The following ARMH1 variants were observed in gnomAD, a reference collection of about 807,000 sequenced individuals.
ARMH1 encodes the protein armadillo like helical domain containing 1.
ARMH1 carries 34 observed loss-of-function variants against 50.2 expected under a neutral mutation model. That is an observed-to-expected ratio of 0.68 (90% confidence interval 0.51 to 0.90). The LOEUF (loss-of-function observed/expected upper bound fraction) is 0.90. Ranked by LOEUF, ARMH1 falls within the 40% of genes least tolerant of loss-of-function variation. ARMH1 has a pLI of 0.00. For missense variants in ARMH1, 538 were observed against 553.9 expected (o/e 0.97, Z 0.29); for synonymous variants, 221 against 224.2 (o/e 0.99, Z 0.13).
At chr1:44,679,483 A>G (rs1358021797) in intron 1 of ARMH1, among the ~76,000 whole-genome samples, 1 of 152,212 alleles carries the variant, frequency 6.6e-6, no homozygotes, top group African/African-American at 2.4e-5. Context: ...TTTCTGTGAC[A>G]TTTCAAAAAA....
At chr1:44,709,430 T>C (rs1174690612) in intron 6 of ARMH1, among the ~76,000 whole-genome samples, 2 of 152,170 alleles carry the variant, frequency 1.3e-5, no homozygotes, top group Non-Finnish European at 2.9e-5. Context: ...CCCAGCACTT[T>C]GGGAGGCCAA....
intron 1 of ARMH1, chr1:44,684,306 AG>A (rs1436872891): frequency 6.6e-6 from 1 of 152,196 alleles, no homozygotes; most frequent in Non-Finnish European, 1.5e-5. Context: ...TATTAAAGAA[AG>A]GTTGAGATAA....
At chr1:44,704,049 A>G in intron 5 of ARMH1, 40 bp from the exon 6 acceptor site, 1 of 1,518,890 alleles carries the variant, frequency 6.6e-7, no homozygotes, top group Non-Finnish European at 8.9e-7. Context: ...TAAAAAAAAA[A>G]AAAAGACTAA....
At chr1:44,689,574 A>G (rs1645588457) in intron 1 of ARMH1, 102 bp from the exon 2 acceptor site, 2 of 896,066 alleles carry the variant, frequency 2.2e-6, no homozygotes, top group Non-Finnish European at 1.7e-6. Flanking sequence ...ATCCATTTGC[A>G]TGATAAAGCC....
chr1:44,701,081 GC>G lies in ARMH1; in HGVS notation c.604del (p.Gln202SerfsTer27). 1 of 1,551,714 alleles carries G rather than the reference GC, an allele frequency of 6.4e-7. No homozygotes were observed. Reference protein sequence around the residue: ...IALLPCESPKAQQLSLQTLRT... With the variant: ...IALLPCESPKXQQLSLQTLRT... ...TTTGCTGCCCTGCGAGTCCCCAAAAGCCCAGCAGCTGTCCCTGCAGACTCTC... is the reference window on the plus strand; with the variant it reads ...TTTGCTGCCCTGCGAGTCCCCAAAAGCCAGCAGCTGTCCCTGCAGACTCTC... On this transcript the variant is annotated frameshift_variant, in exon 5 of 12. Coordinates refer to ENST00000535358, the MANE Select transcript of ARMH1 (RefSeq NM_001145636.2). LOFTEE classifies it high-confidence loss of function.
rs981597889 is a variant in ARMH1, at chr1:44,714,849, G to A, written c.725-9273G>A. Among the ~76,000 whole-genome samples, 5 of 151,738 alleles carry A rather than the reference G, an allele frequency of 3.3e-5. No homozygotes were observed. In the East Asian group the frequency reaches 5.8e-4, roughly 18 times the overall value. ...ATTCTTTTTAGAGATGGGATCTCAC[G>A]ATGTTGCCCAACCTGATTTGACTGT... On this transcript the variant is annotated intron_variant, in intron 6 of 11. Transcript: ENST00000535358.
chr1:44,718,791 G>A (rs1156948901), intron 6 of ARMH1, among the ~76,000 whole-genome samples: 16 of 152,136 alleles, frequency 1.1e-4, no homozygotes, highest in Non-Finnish European at 2.1e-4. Context: ...TTGGGAGGCC[G>A]AGGCAGGCGG....
At chr1:44,680,546 T>C (rs1645274202) in intron 1 of ARMH1, among the ~76,000 whole-genome samples, 1 of 152,184 alleles carries the variant, frequency 6.6e-6, no homozygotes, top group South Asian at 2.1e-4. Context: ...AGTGAGCTAA[T>C]GGAGAAATCT....
In ARMH1 at chr1:44,724,713, C is replaced by G. The variant is rs143381915; in HGVS notation, c.1050+45C>G. On this transcript the variant is annotated intron_variant, in intron 9 of 11. Transcript: ENST00000535358. The surrounding 1 kb of genome is among the most constrained non-coding windows in gnomAD (Gnocchi z 6.4). ...AGGGGGCGGGAAGGGCGGCGGCACC[C>G]GCAGCCCCGTCGCCCCCGCAGTCAC... 5 of 1,490,590 alleles carry G rather than the reference C, an allele frequency of 3.4e-6. No homozygotes were observed. Among genetic ancestry groups the G allele is most frequent in the Non-Finnish European group, 4.4e-6 (5 of 1,126,900 alleles). 92.3% of individuals were successfully genotyped at this position (1,490,590 alleles called of 1,614,324 possible). A position where few individuals can be genotyped will look rare whatever the true frequency, so the allele number is the denominator to read the frequency against.
Position 44,698,187 on chromosome 1 carries a change from A to C in ARMH1, c.400A>C (p.Asn134His). The stretch of plus-strand genomic sequence containing the variant: ...TGTCAAACTACTTCAGGTTATTGCG[A>C]ACTCTGGCAGGACATACAAGGAACT... ...ESVKLLQVIA[N>H]SGRTYKELIC... Residue 134 changes from asparagine (N) to histidine (H), a missense_variant, in exon 4 of 12, where the codon AAC (asparagine) becomes CAC (histidine). By Grantham distance (68) the Asn-to-His change is moderately conservative (BLOSUM62 1). Coordinates refer to ENST00000535358, the MANE Select transcript of ARMH1 (RefSeq NM_001145636.2). The C allele has an allele frequency of 6.4e-7, 1 of 1,552,338 alleles. No individual in the cohort carries two copies. The highest frequency in any genetic ancestry group is 1.4e-5 in the African/African-American group (1 of 73,160).
At chr1:44,723,944 G>C in intron 6 of ARMH1, 178 bp from the exon 7 acceptor site, 1 of 727,094 alleles carries the variant, frequency 1.4e-6, no homozygotes, top group Non-Finnish European at 2.1e-6. Flanking sequence ...TCCCCCTTCA[G>C]CCCCCTCCTC....
chr1:44,711,596 A>G (rs895728629), intron 6 of ARMH1, among the ~76,000 whole-genome samples: 3 of 152,134 alleles, frequency 2.0e-5, no homozygotes, highest in Admixed American at 1.3e-4. Context: ...CCCATTCTGT[A>G]GGTTCTTTTC....
At chr1:44,719,465 A>G (rs1270707320) in intron 6 of ARMH1, among the ~76,000 whole-genome samples, 2 of 152,210 alleles carry the variant, frequency 1.3e-5, no homozygotes, top group Admixed American at 1.3e-4. Context: ...CCTGGAGTGG[A>G]GAAGTCAGCT....
chr1:44,698,271 G>A, intron 4 of ARMH1, 42 bp downstream of exon 4: 1 of 1,493,420 alleles, frequency 6.7e-7, no homozygotes, highest in Admixed American at 2.1e-5. Context: ...CTAGGGGCCT[G>A]AATGACATGG....
intron 1 of ARMH1, among the ~76,000 whole-genome samples, chr1:44,678,800 G>A (rs1384222054): frequency 6.6e-6 from 1 of 152,036 alleles, no homozygotes; most frequent in African/African-American, 2.4e-5. Context: ...TTGCCGGGGG[G>A]GTGGGGAAGC....
intron 6 of ARMH1, among the ~76,000 whole-genome samples, chr1:44,721,221 C>G (rs1317135520): frequency 6.6e-6 from 1 of 152,000 alleles, no homozygotes; most frequent in Admixed American, 6.6e-5. Flanking sequence ...TATATAACTA[C>G]CAGGTGGTCC....
At chr1:44,702,740 A>G (rs1008570596) in intron 5 of ARMH1, among the ~76,000 whole-genome samples, 4 of 151,712 alleles carry the variant, frequency 2.6e-5, no homozygotes, top group African/African-American at 7.3e-5. Flanking sequence ...AAAAGAAAAG[A>G]AAAAGAAAGA....
intron 6 of ARMH1, among the ~76,000 whole-genome samples, chr1:44,709,706 G>A (rs140847647): frequency 0.013 from 1,950 of 150,118 alleles, 45 homozygotes; most frequent in African/African-American, 0.045. Context: ...GCATGGTGGC[G>A]CGCACCTGTA....
intron 5 of ARMH1, among the ~76,000 whole-genome samples, chr1:44,702,478 C>T (rs1228626673): frequency 6.6e-6 from 1 of 151,930 alleles, no homozygotes; most frequent in Non-Finnish European, 1.5e-5. Flanking sequence ...CTTTGGGAGG[C>T]CGAGGTGGGT....
Sources: allele counts gnomAD v4.1 joint callset (sites outside exome capture counted in the v4.1 genomes callset), GRCh38; gene constraint gnomAD v4.1.1; non-coding constraint Gnocchi (gnomAD v3.1); transcripts MANE v1.5; gene names NCBI Gene and HGNC (gene_info 2026-07-23, HGNC 2026-07-21).